ST18: variants seen among roughly 807,000 people sequenced by gnomAD.
ST18 encodes suppression of tumorigenicity 18 protein.
A neutral mutation model predicts 110.0 loss-of-function variants in ST18; 50 were observed. The ratio of observed to expected loss-of-function variants is 0.45; its 90% CI spans 0.36 to 0.58. The LOEUF is 0.58. Among genes scored for constraint, ST18 ranks in the 20% least tolerant of loss-of-function variants. The pLI is 0.00. For missense variants in ST18, 1,306 were observed against 1,280.1 expected (o/e 1.02, Z -0.31); for synonymous variants, 461 against 452.4 (o/e 1.02, Z -0.24).
chr8:52,152,959 C>T (rs1433154949), intron 15 of ST18, among the ~76,000 whole-genome samples: 1 of 152,092 alleles, frequency 6.6e-6, no homozygotes, highest in African/African-American at 2.4e-5. Context: ...TGTGGCATTC[C>T]TACTATGTTT....
chr8:52,279,478 A>G (rs2095334889), intron 2 of ST18, among the ~76,000 whole-genome samples: 1 of 152,162 alleles, frequency 6.6e-6, no homozygotes, highest in African/African-American at 2.4e-5. Context: ...TATTAAGAAG[A>G]ATCGGGGAAC....
chr8:52,327,821 C>T (rs1011118791), intron 2 of ST18, among the ~76,000 whole-genome samples: 29 of 152,296 alleles, frequency 1.9e-4, no homozygotes, highest in African/African-American at 6.5e-4. Flanking sequence ...GCAATACCTC[C>T]CTCTTACAGG....
At chr8:52,354,961 T>A in intron 2 of ST18, among the ~76,000 whole-genome samples, 1 of 152,236 alleles carries the variant, frequency 6.6e-6, no homozygotes, top group East Asian at 1.9e-4. Flanking sequence ...TCTCCTGCAT[T>A]GAGAATTACA....
chr8:52,248,989 A>C (rs570198823), intron 2 of ST18, among the ~76,000 whole-genome samples: 10 of 152,240 alleles, frequency 6.6e-5, no homozygotes, highest in South Asian at 4.2e-4. Flanking sequence ...TATCTTTCAG[A>C]AGCAGTAAGA....
At chr8:52,301,415 T>C (rs777858327) in intron 2 of ST18, among the ~76,000 whole-genome samples, 1 of 152,190 alleles carries the variant, frequency 6.6e-6, no homozygotes, top group Non-Finnish European at 1.5e-5. Flanking sequence ...GATTCAGTAT[T>C]AAGATATTTA....
At chr8:52,173,051 A>T (rs1042941657) in intron 9 of ST18, among the ~76,000 whole-genome samples, 4 of 152,224 alleles carry the variant, frequency 2.6e-5, no homozygotes, top group African/African-American at 7.2e-5. Flanking sequence ...CTCTGTTAGC[A>T]TGGCAATGTA....
At chr8:52,142,795 T>G in intron 17 of ST18, 135 bp downstream of exon 17, 1 of 637,192 alleles carries the variant, frequency 1.6e-6, no homozygotes, top group Non-Finnish European at 2.8e-6. Flanking sequence ...GTTAGATGCG[T>G]GTTTAACGTT....
Position 52,318,740 on chromosome 8 carries a change from C to A in ST18, c.-464-88663G>T, listed in dbSNP as rs907843301. ...TGTGGTACATATACACCATGGAATACTATGCTGCCATAAAAAGGAACAAGA... is the reference window on the plus strand; with the variant it reads ...TGTGGTACATATACACCATGGAATAATATGCTGCCATAAAAAGGAACAAGA... On this transcript the variant is annotated intron_variant, in intron 2 of 25. Transcript: ENST00000689386. Among the ~76,000 whole-genome samples the A allele has an allele frequency of 4.6e-5, 7 of 152,244 alleles. No homozygotes were observed. In the East Asian group the frequency reaches 1.4e-3, roughly 29 times the overall value.
At chr8:52,127,887 G>T (rs1364012626) in intron 22 of ST18, among the ~76,000 whole-genome samples, 1 of 151,722 alleles carries the variant, frequency 6.6e-6, no homozygotes, top group Admixed American at 6.6e-5. Context: ...AGAGGCTGAG[G>T]TATTTGGCTC....
chr8:52,217,975 C>G (rs1055807184), intron 5 of ST18, 74 bp from the exon 6 acceptor site: 1 of 152,196 alleles, frequency 6.6e-6, no homozygotes, highest in Non-Finnish European at 1.5e-5. Flanking sequence ...TTCATTCACA[C>G]AAGCCAATTA....
intron 2 of ST18, among the ~76,000 whole-genome samples, chr8:52,287,938 A>AG (rs2139284306): frequency 6.6e-6 from 1 of 152,340 alleles, no homozygotes; most frequent in Admixed American, 6.5e-5. Context: ...GATCCACTGA[A>AG]GCAGCTCTGA....
intron 8 of ST18, among the ~76,000 whole-genome samples, chr8:52,192,967 C>T (rs1349754480): frequency 2.0e-5 from 3 of 152,132 alleles, no homozygotes; most frequent in Non-Finnish European, 4.4e-5. Context: ...GGGCTGGGGG[C>T]TTATTACATA....
intron 2 of ST18, among the ~76,000 whole-genome samples, chr8:52,306,680 T>C (rs2095818104): frequency 1.3e-5 from 2 of 152,132 alleles, no homozygotes; most frequent in African/African-American, 4.8e-5. Context: ...TGGAATGTGG[T>C]GGCCCAGGAA....
At chr8:52,243,818 T>C (rs1172054833) in intron 2 of ST18, among the ~76,000 whole-genome samples, 1 of 152,132 alleles carries the variant, frequency 6.6e-6, no homozygotes, top group Non-Finnish European at 1.5e-5. Flanking sequence ...AACCCTGACA[T>C]ATTTCTTGTC....
At chr8:52,197,104 A>G (rs1267053408) in intron 8 of ST18, among the ~76,000 whole-genome samples, 1 of 152,252 alleles carries the variant, frequency 6.6e-6, no homozygotes, top group Non-Finnish European at 1.5e-5. Context: ...TCAAAATTCT[A>G]CTTCGGCTCT....
chr8:52,197,482 C>A (rs1320531332), intron 8 of ST18, among the ~76,000 whole-genome samples: 1 of 152,104 alleles, frequency 6.6e-6, no homozygotes, highest in Non-Finnish European at 1.5e-5. Flanking sequence ...GGGTCAGTCA[C>A]CCCCAGAAGC....
intron 2 of ST18, among the ~76,000 whole-genome samples, chr8:52,380,869 C>T (rs965244885): frequency 6.6e-6 from 1 of 152,124 alleles, no homozygotes; most frequent in East Asian, 1.9e-4. Flanking sequence ...ATCCTTGTAA[C>T]GTAAGCTGCA....
In ST18 at chr8:52,248,208, T is replaced by C. The variant is rs2094008827; in HGVS notation, c.-464-18131A>G. 4.6e-5 allele frequency among the ~76,000 whole-genome samples: 7 copies of C among 152,280 alleles called. 1 individual carries two copies. In the South Asian group the frequency reaches 1.5e-3, roughly 32 times the overall value. On this transcript the variant is annotated intron_variant, in intron 2 of 25. Transcript: ENST00000689386. The stretch of plus-strand genomic sequence containing the variant: ...ATTGCTATATCCTTACATAAATAAA[T>C]ATTTTTCAGTATAAGTAATGAAAGT...
At chr8:52,116,187 A>C in intron 25 of ST18, 88 bp downstream of exon 25, 1 of 1,496,672 alleles carries the variant, frequency 6.7e-7, no homozygotes, top group Non-Finnish European at 9.0e-7. Context: ...GTCTCCTCAA[A>C]GCTCAGTCGT....
Sources: gnomAD v4.1 joint callset for allele counts (sites outside exome capture counted in the v4.1 genomes callset) on GRCh38, gnomAD v4.1.1 for gene constraint, MANE v1.5 for transcripts, NCBI Gene and HGNC (gene_info 2026-07-23, HGNC 2026-07-21) for gene names.